The following FAAH variants were observed in gnomAD, a reference collection of about 807,000 sequenced individuals.
FAAH encodes the protein fatty acid amide hydrolase.
FAAH carries 63 observed loss-of-function variants against 69.7 expected under a neutral mutation model. The ratio of observed to expected loss-of-function variants is 0.90; its 90% CI spans 0.74 to 1.12. The LOEUF (loss-of-function observed/expected upper bound fraction) is 1.12, where lower values mean the gene tolerates loss of function less well. FAAH is among the 50% of genes most tolerant of loss of function. The pLI is 0.00. For missense variants in FAAH, 680 were observed against 755.0 expected (o/e 0.90, Z 1.16); for synonymous variants, 305 against 324.2 (o/e 0.94, Z 0.64).
intron 2 of FAAH, 96 bp downstream of exon 2, chr1:46,402,300 G>A: frequency 9.1e-7 from 1 of 1,103,104 alleles, no homozygotes; most frequent in Non-Finnish European, 1.3e-6. Context: ...CAGGCTGTGG[G>A]GAAAACCTGG....
Position 46,408,518 on chromosome 1 carries a change from GC to G in FAAH, c.1014del (p.Ser339ProfsTer4). ...GYYETDNYTMPSPAMRRAVLE... is the reference protein window; with the variant it reads ...GYYETDNYTMXSPAMRRAVLE... ...ACTATGAGACTGACAACTATACCAT[GC>G]CCTCCCCGGCCATGAGGCGGGCCGT... On this transcript the variant is annotated frameshift_variant, in exon 8 of 15. Coordinates refer to ENST00000243167, the MANE Select transcript of FAAH (RefSeq NM_001441.3). LOFTEE classifies it high-confidence loss of function. 6.2e-7 allele frequency: 1 copy of G among 1,614,106 alleles called. No individual in the cohort carries two copies. The highest frequency in any genetic ancestry group is 8.5e-7 in the Non-Finnish European group (1 of 1,179,996).
chr1:46,399,149 C>T (rs1483777262), intron 1 of FAAH, among the ~76,000 whole-genome samples: 1 of 152,180 alleles, frequency 6.6e-6, no homozygotes, highest in Non-Finnish European at 1.5e-5. Context: ...GTTTTTCCTA[C>T]ATCTCTTACA....
chr1:46,411,020 G>T lies in FAAH; in HGVS notation c.1316+166G>T. The T allele has an allele frequency of 1.3e-6, 1 of 799,106 alleles. No individual in the cohort carries two copies. The allele number at this position is 799,106 out of a possible 1,614,324, so 49.5% of individuals were successfully genotyped here. A position where few individuals can be genotyped will look rare whatever the true frequency, so the allele number is the denominator to read the frequency against. ...GGCCTTCAGATGGGACTTTGAAGTTGTCTTGGCAAGGTCCAGTTCTGGCTG... is the reference window on the plus strand; with the variant it reads ...GGCCTTCAGATGGGACTTTGAAGTTTTCTTGGCAAGGTCCAGTTCTGGCTG... On this transcript the variant is annotated intron_variant, in intron 11 of 14. Transcript: ENST00000243167. The surrounding 1 kb of genome is among the most constrained non-coding windows in gnomAD (Gnocchi z 4.8).
At chr1:46,407,123 G>A (rs1469328606) in intron 7 of FAAH, among the ~76,000 whole-genome samples, 2 of 151,886 alleles carry the variant, frequency 1.3e-5, no homozygotes, top group Admixed American at 6.5e-5. Context: ...TGCAAGCAGC[G>A]TGGTGTGCTG....
Position 46,410,801 on chromosome 1 carries a change from C to T in FAAH, c.1276-13C>T, listed in dbSNP as rs200739968. 16 of 1,614,240 alleles carry T rather than the reference C, an allele frequency of 9.9e-6. No individual in the cohort carries two copies. The South Asian group carries it at 1.3e-4, about 13-fold the overall frequency. Reference sequence around the variant, plus strand: ...CAGAGCTGAGTCACCGACCCTGCGTCTGTCCTGTGCAGCTGCCAAGGCTGT... The same window carrying T: ...CAGAGCTGAGTCACCGACCCTGCGTTTGTCCTGTGCAGCTGCCAAGGCTGT... On this transcript the variant is annotated splice_polypyrimidine_tract_variant and intron_variant, in intron 10 of 14. Transcript: ENST00000243167. The surrounding 1 kb of genome is among the most constrained non-coding windows in gnomAD (Gnocchi z 4.9).
intron 1 of FAAH, among the ~76,000 whole-genome samples, chr1:46,396,208 T>G (rs576669233): frequency 1.3e-5 from 2 of 152,192 alleles, no homozygotes; most frequent in African/African-American, 2.4e-5. Flanking sequence ...TGTTTGACTT[T>G]ATACAAGCAT....
At position 46,405,289 on chromosome 1, in the gene FAAH, C is replaced by T; in HGVS notation, c.445-83C>T. 5.6e-6 allele frequency: 9 copies of T among 1,606,296 alleles called. No individual in the cohort carries two copies. The highest frequency in any genetic ancestry group is 5.9e-6 in the Non-Finnish European group (7 of 1,179,448). On this transcript the variant is annotated intron_variant, in intron 3 of 14. Transcript: ENST00000243167. This position sits in a 1 kb window ranked among gnomAD's most constrained non-coding sequence, Gnocchi z 4.1. ...GGGGACACTGGTATACCTGTTTTGG[C>T]CTGTGTGACAGTTGTTGGAGTGGAC...
In FAAH at chr1:46,408,359, G is replaced by A. The variant is rs147161538; in HGVS notation, c.952-100G>A. On this transcript the variant is annotated intron_variant, in intron 7 of 14. Transcript: ENST00000243167. ...GGCTGGCCTCGCTGACTGCAGCCTC[G>A]CAGCTGTGTCTGGGGCTGAGTAGTT... 1.4e-5 allele frequency: 21 copies of A among 1,537,588 alleles called. No homozygotes were observed. In the East Asian group the frequency reaches 2.3e-4, roughly 16 times the overall value.
intron 9 of FAAH, among the ~76,000 whole-genome samples, chr1:46,409,825 C>T (rs1664873092): frequency 6.6e-6 from 1 of 152,136 alleles, no homozygotes; most frequent in Non-Finnish European, 1.5e-5. Flanking sequence ...GAGAACTTGG[C>T]CCTGCAGCCT....
chr1:46,403,344 A>G (rs570552085), intron 2 of FAAH, among the ~76,000 whole-genome samples: 83 of 151,568 alleles, frequency 5.5e-4, no homozygotes, highest in African/African-American at 2.0e-3. Context: ...TCCCAACCTC[A>G]GGTGATCCTC....
chr1:46,399,297 A>G (rs908352341), intron 1 of FAAH, among the ~76,000 whole-genome samples: 5 of 152,182 alleles, frequency 3.3e-5, no homozygotes, highest in Admixed American at 6.5e-5. Flanking sequence ...ACAGGTTTAG[A>G]TGTTACCTGT....
At chr1:46,406,752 G>C (rs578225226) in intron 7 of FAAH, among the ~76,000 whole-genome samples, 1 of 151,236 alleles carries the variant, frequency 6.6e-6, no homozygotes, top group African/African-American at 2.4e-5. Context: ...CAGGCGCCCG[G>C]CACCACGCCC....
Position 46,410,041 on chromosome 1 carries a change from A to C in FAAH, c.1176-357A>C, listed in dbSNP as rs535803855. 1.2e-3 allele frequency: 281 copies of C among 237,334 alleles called. No individual in the cohort carries two copies. Among genetic ancestry groups the C allele is most frequent in the Non-Finnish European group, 1.9e-3 (231 of 119,778 alleles). 14.7% of individuals were successfully genotyped at this position (237,334 alleles called of 1,614,324 possible). A position where few individuals can be genotyped will look rare whatever the true frequency, so the allele number is the denominator to read the frequency against. On this transcript the variant is annotated intron_variant, in intron 9 of 14. Transcript: ENST00000243167. The surrounding 1 kb of genome is among the most constrained non-coding windows in gnomAD (Gnocchi z 4.9). ...AGCCTCAGAGCCCTGCTTCATGGGC[A>C]GCCCACCCTCGATTTCCCCACCTGT...
Position 46,413,722 on chromosome 1 carries a change from C to CG in FAAH, c.*148dup, listed in dbSNP as rs1664959464. ...TCCCCCAACCCCCTGCAAGAAGCGC[C>CG]GACTCCCTGAGTCTGGACCTCCATC... On this transcript the variant is annotated 3_prime_UTR_variant, in exon 15 of 15. Coordinates refer to ENST00000243167, the MANE Select transcript of FAAH (RefSeq NM_001441.3). 4.3e-6 allele frequency: 5 copies of CG among 1,169,860 alleles called. No individual in the cohort carries two copies. In the East Asian group the frequency reaches 1.3e-4, roughly 30 times the overall value. The allele number at this position is 1,169,860 out of a possible 1,614,324, so 72.5% of individuals were successfully genotyped here.
In FAAH at chr1:46,411,730, C is replaced by T. The variant is rs764684176; in HGVS notation, c.1356+79C>T. ...GACAGGGTACCCGCTAGCAGTGTCT[C>T]GTGGCCACTGCCCCCATGGGGCTCC... is the stretch of plus-strand genomic sequence containing the variant. On this transcript the variant is annotated intron_variant, in intron 12 of 14. Coordinates refer to ENST00000243167, the MANE Select transcript of FAAH (RefSeq NM_001441.3). This position sits in a 1 kb window ranked among gnomAD's most constrained non-coding sequence, Gnocchi z 4.8. 26 of 1,504,788 alleles carry T rather than the reference C, an allele frequency of 1.7e-5. No individual in the cohort carries two copies. Among genetic ancestry groups the T allele is most frequent in the Admixed American group, 8.9e-5 (5 of 56,372 alleles). 93.2% of individuals were successfully genotyped at this position (1,504,788 alleles called of 1,614,324 possible).
At chr1:46,403,141 T>C (rs564643607) in intron 2 of FAAH, among the ~76,000 whole-genome samples, 6 of 151,454 alleles carry the variant, frequency 4.0e-5, no homozygotes, top group Admixed American at 6.6e-5. Context: ...ACCCCGTCTT[T>C]TTTTTTGAGA....
chr1:46,409,169 T>A lies in FAAH; in HGVS notation c.1146T>A (p.Ser382Arg). 1.2e-6 allele frequency: 2 copies of A among 1,613,852 alleles called. No individual in the cohort carries two copies. Among genetic ancestry groups the A allele is most frequent in the Non-Finnish European group, 1.7e-6 (2 of 1,179,906 alleles). ...LETLSTGGLF[S>R]DGGHTFLQNF... The stretch of plus-strand genomic sequence containing the variant: ...CCCTGTCAACAGGTGGGCTCTTCAG[T>A]GATGGTGGCCACACCTTCCTACAGA... The change falls in exon 9 of 15, where the codon AGT (serine) becomes AGA (arginine). Residue 382 changes from serine (S) to arginine (R), a missense_variant. By Grantham distance (110) the Ser-to-Arg change is moderately radical (BLOSUM62 -1). Transcript: ENST00000243167.
At position 46,394,490 on chromosome 1, in the gene FAAH, C is replaced by T; in HGVS notation, c.142C>T (p.Gln48Ter). ...RGAVVRARQR[Q>*]RAGLENMDRA... ...CGCGGTGGTCCGGGCGCGACAGAGGCAGCGAGCGGGCCTGGAGAACATGGA... is the reference window on the plus strand; with the variant it reads ...CGCGGTGGTCCGGGCGCGACAGAGGTAGCGAGCGGGCCTGGAGAACATGGA... The change falls in exon 1 of 15, where the codon CAG (glutamine) becomes TAG (stop). Residue 48 changes from glutamine to a stop codon, truncating the protein, a stop_gained. Transcript: ENST00000243167. LOFTEE classifies it high-confidence loss of function. The T allele has an allele frequency of 2.9e-6, 4 of 1,396,896 alleles. No individual in the cohort carries two copies. Among genetic ancestry groups the T allele is most frequent in the Non-Finnish European group, 2.8e-6 (3 of 1,081,152 alleles). 86.5% of individuals were successfully genotyped at this position (1,396,896 alleles called of 1,614,324 possible).
In FAAH at chr1:46,405,698, C is replaced by T. The variant is rs146965747; in HGVS notation, c.689C>T (p.Ser230Phe). ...GGGGCCCTCATCGGGTCTGGAGGCT[C>T]CCCCCTGGGCTTAGGCACTGATATC... ...GEGALIGSGG[S>F]PLGLGTDIGG... The change falls in exon 5 of 15, where the codon TCC becomes TTC. Residue 230 changes from serine to phenylalanine, a missense_variant. Ser to Phe is a radical substitution (Grantham distance 155, BLOSUM62 -2). Coordinates refer to ENST00000243167, the MANE Select transcript of FAAH (RefSeq NM_001441.3). This position sits in a 1 kb window ranked among gnomAD's most constrained non-coding sequence, Gnocchi z 4.1. 1.2e-6 allele frequency: 2 copies of T among 1,613,510 alleles called. No homozygotes were observed. The highest frequency in any genetic ancestry group is 1.7e-6 in the Non-Finnish European group (2 of 1,180,022).
Sources: allele counts gnomAD v4.1 joint callset (sites outside exome capture counted in the v4.1 genomes callset), GRCh38; gene constraint gnomAD v4.1.1; non-coding constraint Gnocchi (gnomAD v3.1); transcripts MANE v1.5; gene names NCBI Gene and HGNC (gene_info 2026-07-23, HGNC 2026-07-21).